The following RAB11A variants were observed in gnomAD, a reference collection of about 807,000 sequenced individuals.
RAB11A encodes the protein ras-related protein Rab-11A.
A neutral mutation model predicts 28.0 loss-of-function variants in RAB11A; 9 were observed. The ratio of observed to expected loss-of-function variants is 0.32; its 90% CI spans 0.19 to 0.56. The LOEUF (loss-of-function observed/expected upper bound fraction) is 0.56. RAB11A is among the 20% of genes least tolerant of loss of function. RAB11A has a pLI of 0.91. For synonymous variants in RAB11A, 85 were observed against 88.2 expected, an observed-to-expected ratio of 0.96 and a Z score of 0.20; for missense variants, 108 against 269.6, an observed-to-expected ratio of 0.40 and a Z score of 4.20.
intron 4 of RAB11A, among the ~76,000 whole-genome samples, chr15:65,885,133 GTTT>G (rs56815495): frequency 3.9e-5 from 5 of 129,332 alleles, no homozygotes; most frequent in Admixed American, 1.6e-4. Flanking sequence ...CATTTATACA[GTTT>G]TTTTTTTTTT....
rs561369566 is a variant in RAB11A at position 65,885,934 on chromosome 15, G to A, written c.512-1767G>A. On this transcript the variant is annotated intron_variant, in intron 4 of 4. Transcript: ENST00000261890. ...GAATTCTGTTGAGGGGATTACTGGG[G>A]AGGATGAACGGATCAGTGGACAGAA... Among the ~76,000 whole-genome samples, 5 of 152,354 alleles carry A rather than the reference G, an allele frequency of 3.3e-5. No homozygotes were observed. In the East Asian group the frequency reaches 7.7e-4, roughly 24 times the overall value.
rs140315135 is a variant in RAB11A, at chr15:65,887,671, C to T, written c.512-30C>T. On this transcript the variant is annotated intron_variant, in intron 4 of 4. Transcript: ENST00000261890. ...CCTAACTATGATAGGTTTATTCACA[C>T]TAAGTATTGTGGTTTCTTTTTTCCT... 2.7e-4 allele frequency: 435 copies of T among 1,587,042 alleles called. No individual in the cohort carries two copies. The African/African-American group carries it at 5.2e-3, about 19-fold the overall frequency.
Position 65,887,965 on chromosome 15 carries a change from T to C in RAB11A, c.*125T>C. On this transcript the variant is annotated 3_prime_UTR_variant, in exon 5 of 5. Coordinates refer to ENST00000261890, the MANE Select transcript of RAB11A (RefSeq NM_004663.5). Reference sequence around the variant, plus strand: ...CTTCATACTTATGAATTTTTCCATGTCCTAAGTCTTTTGATTTTAGCTTTA... The same window carrying C: ...CTTCATACTTATGAATTTTTCCATGCCCTAAGTCTTTTGATTTTAGCTTTA... The C allele has an allele frequency of 9.5e-7, 1 of 1,050,242 alleles. No homozygotes were observed. Among genetic ancestry groups the C allele is most frequent in the Non-Finnish European group, 1.3e-6 (1 of 784,400 alleles). 65.1% of individuals were successfully genotyped at this position (1,050,242 alleles called of 1,614,324 possible). A position where few individuals can be genotyped will look rare whatever the true frequency, so the allele number is the denominator to read the frequency against.
chr15:65,887,592 G>A (rs1277279782), intron 4 of RAB11A, 109 bp from the exon 5 acceptor site: 2 of 1,084,470 alleles, frequency 1.8e-6, no homozygotes, highest in African/African-American at 3.3e-5. Flanking sequence ...TCTCTGTTCA[G>A]TTTCCTTAGG....
rs1404384137 is a variant in RAB11A, at chr15:65,877,594, A to G, written c.236+67A>G. The G allele has an allele frequency of 1.3e-6, 2 of 1,484,108 alleles. No individual in the cohort carries two copies. The highest frequency in any genetic ancestry group is 2.8e-5 in the African/African-American group (2 of 70,492). The allele number at this position is 1,484,108 out of a possible 1,614,324, so 91.9% of individuals were successfully genotyped here. A position where few individuals can be genotyped will look rare whatever the true frequency, so the allele number is the denominator to read the frequency against. Reference sequence around the variant, plus strand: ...TCGAGTGAATTAGCTGACTTTTGGTATTGGAAAAAGAACTGTTGTTTTTTT... The same window carrying G: ...TCGAGTGAATTAGCTGACTTTTGGTGTTGGAAAAAGAACTGTTGTTTTTTT... On this transcript the variant is annotated intron_variant, in intron 2 of 4. Transcript: ENST00000261890. The surrounding 1 kb of genome is among the most constrained non-coding windows in gnomAD (Gnocchi z 4.1).
At chr15:65,886,963 G>T (rs2078259418) in intron 4 of RAB11A, among the ~76,000 whole-genome samples, 1 of 152,008 alleles carries the variant, frequency 6.6e-6, no homozygotes, top group Non-Finnish European at 1.5e-5. Context: ...TCCCTTCCAA[G>T]AATCGTTTGG....
Position 65,889,031 on chromosome 15 carries a change from G to A in RAB11A, c.*1191G>A, listed in dbSNP as rs902513750. On this transcript the variant is annotated 3_prime_UTR_variant, in exon 5 of 5. Transcript: ENST00000261890. ...CCACTACATTGTTGAAATCAATGAA[G>A]CAATTAGTTTCTCATTCAGAAATGT... 1 of 152,632 alleles carries A rather than the reference G, an allele frequency of 6.6e-6. No homozygotes were observed. Among genetic ancestry groups the A allele is most frequent in the Non-Finnish European group, 1.5e-5 (1 of 68,036 alleles). 9.5% of individuals were successfully genotyped at this position (152,632 alleles called of 1,614,324 possible).
intron 1 of RAB11A, among the ~76,000 whole-genome samples, chr15:65,872,618 G>T (rs2078169157): frequency 6.6e-6 from 1 of 151,746 alleles, no homozygotes; most frequent in African/African-American, 2.4e-5. Context: ...ATTTCTAGTA[G>T]AGACGGGGTT....
chr15:65,877,180 C>A lies in RAB11A; in HGVS notation c.41-152C>A, dbSNP rs1223784659. On this transcript the variant is annotated intron_variant, in intron 1 of 4. Transcript: ENST00000261890. The surrounding 1 kb of genome is among the most constrained non-coding windows in gnomAD (Gnocchi z 4.1). ...GGTAACTGGTCAAGAACATGCTGTT[C>A]AACCCCCTACCCCCATTCCTTTTTA... is the stretch of plus-strand genomic sequence containing the variant. The A allele has an allele frequency of 1.6e-6, 1 of 629,986 alleles. No homozygotes were observed. Among genetic ancestry groups the A allele is most frequent in the Non-Finnish European group, 2.7e-6 (1 of 365,580 alleles). 39.0% of individuals were successfully genotyped at this position (629,986 alleles called of 1,614,324 possible).
At chr15:65,872,389 C>T (rs2078167385) in intron 1 of RAB11A, among the ~76,000 whole-genome samples, 2 of 149,854 alleles carry the variant, frequency 1.3e-5, no homozygotes, top group Admixed American at 6.7e-5. Flanking sequence ...GTGCATTTTG[C>T]TGTTTAAGAT....
chr15:65,889,444 T>G lies in RAB11A; in HGVS notation c.*1604T>G, dbSNP rs1303313946. The stretch of plus-strand genomic sequence containing the variant: ...ATATTCACATTCTAATAAACAGTTA[T>G]AGGGGGATTATTTCTTATGCTGTCA... On this transcript the variant is annotated 3_prime_UTR_variant, in exon 5 of 5. Transcript: ENST00000261890. 6.6e-6 allele frequency: 1 copy of G among 152,214 alleles called. No individual in the cohort carries two copies. Among genetic ancestry groups the G allele is most frequent in the South Asian group, 2.1e-4 (1 of 4,828 alleles). 9.4% of individuals were successfully genotyped at this position (152,214 alleles called of 1,614,324 possible).
rs774919573 is a variant in RAB11A at position 65,877,728 on chromosome 15, G to A, written c.237-34G>A. The A allele has an allele frequency of 2.0e-6, 3 of 1,506,310 alleles. No individual in the cohort carries two copies. Among genetic ancestry groups the A allele is most frequent in the South Asian group, 1.2e-5 (1 of 80,018 alleles). The allele number at this position is 1,506,310 out of a possible 1,614,324, so 93.3% of individuals were successfully genotyped here. On this transcript the variant is annotated intron_variant, in intron 2 of 4. Coordinates refer to ENST00000261890, the MANE Select transcript of RAB11A (RefSeq NM_004663.5). This position sits in a 1 kb window ranked among gnomAD's most constrained non-coding sequence, Gnocchi z 4.1. ...TTCCTGGTGTTTGCTTCCATCTTGTGGTTTTCTGATACTAAATATGTTTCT... is the reference window on the plus strand; with the variant it reads ...TTCCTGGTGTTTGCTTCCATCTTGTAGTTTTCTGATACTAAATATGTTTCT...
intron 3 of RAB11A, among the ~76,000 whole-genome samples, chr15:65,878,536 G>A (rs1248853896): frequency 1.3e-5 from 2 of 152,128 alleles, no homozygotes; most frequent in African/African-American, 2.4e-5. Flanking sequence ...ACAAAAAACC[G>A]GGCGCGGTGG....
Position 65,888,088 on chromosome 15 carries a change from A to G in RAB11A, c.*248A>G. ...AACTGAATGTTTGGATTCCTCAGTT[A>G]TTGTTTACTTTTCATCATGGAAGCC... On this transcript the variant is annotated 3_prime_UTR_variant, in exon 5 of 5. Transcript: ENST00000261890. 3 of 364,140 alleles carry G rather than the reference A, an allele frequency of 8.2e-6. No homozygotes were observed. Among genetic ancestry groups the G allele is most frequent in the Non-Finnish European group, 1.5e-5 (3 of 205,890 alleles). 22.6% of individuals were successfully genotyped at this position (364,140 alleles called of 1,614,324 possible).
chr15:65,877,570 C>G lies in RAB11A; in HGVS notation c.236+43C>G. ...TAAGTTCTGTGAAATGGGTTGCCAT[C>G]GAGTGAATTAGCTGACTTTTGGTAT... On this transcript the variant is annotated intron_variant, in intron 2 of 4. Coordinates refer to ENST00000261890, the MANE Select transcript of RAB11A (RefSeq NM_004663.5). The surrounding 1 kb of genome is among the most constrained non-coding windows in gnomAD (Gnocchi z 4.1). 6.4e-7 allele frequency: 1 copy of G among 1,558,516 alleles called. No individual in the cohort carries two copies. The highest frequency in any genetic ancestry group is 8.7e-7 in the Non-Finnish European group (1 of 1,145,204).
chr15:65,884,114 A>G (rs1199776625), intron 4 of RAB11A, among the ~76,000 whole-genome samples: 2 of 152,106 alleles, frequency 1.3e-5, no homozygotes, highest in Non-Finnish European at 2.9e-5. Flanking sequence ...AGGAAAGACA[A>G]CTAGGATTCA....
chr15:65,875,543 C>T (rs2078186799), intron 1 of RAB11A, among the ~76,000 whole-genome samples: 1 of 152,196 alleles, frequency 6.6e-6, no homozygotes, highest in Non-Finnish European at 1.5e-5. Context: ...CAAATAAAAG[C>T]ATGTATGTGT....
At position 65,877,604 on chromosome 15, in the gene RAB11A, G is replaced by T. The variant is rs1357645513; in HGVS notation, c.236+77G>T. ...TAGCTGACTTTTGGTATTGGAAAAA[G>T]AACTGTTGTTTTTTTCTTTTAAGAA... On this transcript the variant is annotated intron_variant, in intron 2 of 4. Transcript: ENST00000261890. The surrounding 1 kb of genome is among the most constrained non-coding windows in gnomAD (Gnocchi z 4.1). 6.9e-5 allele frequency: 99 copies of T among 1,440,608 alleles called. No homozygotes were observed. The highest frequency in any genetic ancestry group is 8.4e-5 in the Non-Finnish European group (89 of 1,065,308). 89.2% of individuals were successfully genotyped at this position (1,440,608 alleles called of 1,614,324 possible).
chr15:65,872,465 G>A (rs2078167993), intron 1 of RAB11A, among the ~76,000 whole-genome samples: 1 of 142,140 alleles, frequency 7.0e-6, no homozygotes, highest in African/African-American at 2.6e-5. Context: ...ATGGTATTTC[G>A]CTCTTGTTTC....
Sources: gnomAD v4.1 joint callset for allele counts (sites outside exome capture counted in the v4.1 genomes callset) on GRCh38, gnomAD v4.1.1 for gene constraint, Gnocchi (gnomAD v3.1) non-coding constraint, MANE v1.5 for transcripts, NCBI Gene and HGNC (gene_info 2026-07-23, HGNC 2026-07-21) for gene names.